The following FKBP5 variants were observed in gnomAD, a reference collection of about 807,000 sequenced individuals.
FKBP5 encodes the protein FKBP prolyl isomerase 5.
In FKBP5, 23 loss-of-function variants were observed where a neutral mutation model predicts 50.5. The ratio of observed to expected loss-of-function variants is 0.46; its 90% CI spans 0.33 to 0.65. FKBP5 has a LOEUF of 0.65. Ranked by LOEUF, FKBP5 falls within the 30% of genes least tolerant of loss-of-function variation. FKBP5 has a pLI of 0.02. For synonymous variants in FKBP5, 176 were observed against 190.6 expected (o/e 0.92, Z 0.63); for missense variants, 411 against 553.1 (o/e 0.74, Z 2.58).
intron 2 of FKBP5, among the ~76,000 whole-genome samples, chr6:35,714,977 G>A (rs1015308546): frequency 3.3e-5 from 5 of 151,316 alleles, no homozygotes; most frequent in Non-Finnish European, 7.4e-5. Context: ...GCACGATGTC[G>A]GCTCACTGCA....
chr6:35,726,703 GTTA>G (rs1561912143), intron 1 of FKBP5, among the ~76,000 whole-genome samples: 1 of 152,118 alleles, frequency 6.6e-6, no homozygotes, highest in East Asian at 1.9e-4. Flanking sequence ...GCTGGCTTGG[GTTA>G]TTATTTAACC....
chr6:35,726,928 A>G (rs1435458262), intron 1 of FKBP5, among the ~76,000 whole-genome samples: 1 of 152,228 alleles, frequency 6.6e-6, no homozygotes, highest in Admixed American at 6.5e-5. Context: ...GGTTAGAAGA[A>G]CAGGATTAGT....
At chr6:35,583,591 G>A (rs527802162) in intron 8 of FKBP5, 3 of 976,960 alleles carry the variant, frequency 3.1e-6, no homozygotes, top group African/African-American at 1.7e-5. Context: ...GCCCCCCAGG[G>A]AACACCTGGC....
At chr6:35,636,991 A>T in intron 3 of FKBP5, 23 bp downstream of exon 3, 6 of 1,572,156 alleles carry the variant, frequency 3.8e-6, no homozygotes, top group Non-Finnish European at 5.1e-6. Flanking sequence ...AGTAAAACAC[A>T]ACTCAAAAAA....
intron 1 of FKBP5, among the ~76,000 whole-genome samples, chr6:35,676,472 G>A (rs1765524584): frequency 6.6e-6 from 1 of 152,210 alleles, no homozygotes; most frequent in Non-Finnish European, 1.5e-5. Flanking sequence ...GAATGGTTAA[G>A]TAATTTTAAC....
intron 8 of FKBP5, 137 bp downstream of exon 8, chr6:35,586,897 A>G: frequency 6.6e-7 from 1 of 1,511,908 alleles, no homozygotes; most frequent in South Asian, 1.3e-5. Flanking sequence ...CATATTGAAA[A>G]TGACAGATTT....
chr6:35,583,865 C>T (rs1762520144), intron 8 of FKBP5: 1 of 985,232 alleles, frequency 1.0e-6, no homozygotes, highest in Non-Finnish European at 1.2e-6. Flanking sequence ...TTCTAAATCA[C>T]ATTACTGGTA....
chr6:35,612,998 A>C (rs1388004285), intron 5 of FKBP5, among the ~76,000 whole-genome samples: 2 of 152,274 alleles, frequency 1.3e-5, no homozygotes, highest in Non-Finnish European at 2.9e-5. Context: ...GTCTAAAGTC[A>C]TAAAAGTATC....
intron 5 of FKBP5, among the ~76,000 whole-genome samples, 175 bp downstream of exon 5, chr6:35,618,921 C>T (rs1763739279): frequency 6.6e-6 from 1 of 152,138 alleles, no homozygotes; most frequent in Non-Finnish European, 1.5e-5. Context: ...GTCTCAAACT[C>T]CTGAGCTCAG....
chr6:35,652,262 T>C (rs1204285083), intron 1 of FKBP5, among the ~76,000 whole-genome samples: 1 of 151,798 alleles, frequency 6.6e-6, no homozygotes, highest in Non-Finnish European at 1.5e-5. Flanking sequence ...CATGTGTGTT[T>C]GAGCAATATG....
chr6:35,714,556 C>T (rs1251670504), intron 2 of FKBP5, among the ~76,000 whole-genome samples: 3 of 148,084 alleles, frequency 2.0e-5, no homozygotes, highest in Non-Finnish European at 4.5e-5. Flanking sequence ...GTGGCTCACG[C>T]CTGTAATCAC....
chr6:35,588,026 A>T (rs1196058841), intron 7 of FKBP5, among the ~76,000 whole-genome samples: 11 of 149,698 alleles, frequency 7.3e-5, no homozygotes, highest in African/African-American at 2.0e-4. Flanking sequence ...TATTATTATT[A>T]TTATTATTTT....
chr6:35,709,877 T>A (rs199985565), intron 2 of FKBP5, among the ~76,000 whole-genome samples: 2 of 149,096 alleles, frequency 1.3e-5, no homozygotes. Flanking sequence ...TGCTTTTAGG[T>A]AAAAAAAAAA....
intron 8 of FKBP5, chr6:35,583,229 C>T: frequency 1.0e-6 from 1 of 985,390 alleles, no homozygotes; most frequent in Non-Finnish European, 1.2e-6. Flanking sequence ...TTCATCCTCT[C>T]TCCTCCTCCC....
At chr6:35,665,454 A>AT (rs546052107) in intron 1 of FKBP5, among the ~76,000 whole-genome samples, 225 of 150,722 alleles carry the variant, frequency 1.5e-3, no homozygotes, top group African/African-American at 4.9e-3. Flanking sequence ...CACCCAGCTA[A>AT]TTTTTTTTGT....
At chr6:35,696,144 CAAA>C (rs60390656) in intron 2 of FKBP5, among the ~76,000 whole-genome samples, 21 of 64,470 alleles carry the variant, frequency 3.3e-4, no homozygotes, top group African/African-American at 4.0e-4. Context: ...GACTCTGTCT[CAAA>C]AAAAAAAAAA....
At chr6:35,702,741 C>T (rs916676836) in intron 2 of FKBP5, among the ~76,000 whole-genome samples, 11 of 151,934 alleles carry the variant, frequency 7.2e-5, no homozygotes, top group Non-Finnish European at 1.0e-4. Flanking sequence ...CATGAGCCAC[C>T]GCGCCCAGCC....
intron 1 of FKBP5, among the ~76,000 whole-genome samples, chr6:35,670,087 G>C (rs547074632): frequency 4.6e-5 from 7 of 152,030 alleles, no homozygotes; most frequent in Admixed American, 2.0e-4. Context: ...TCAATGAATA[G>C]GTTAATATAA....
intron 5 of FKBP5, among the ~76,000 whole-genome samples, chr6:35,598,746 G>A (rs1424081511): frequency 6.6e-6 from 1 of 151,906 alleles, no homozygotes; most frequent in East Asian, 2.0e-4. Context: ...CGAGGCGGGT[G>A]GATCACCTGA....
Sources: gnomAD v4.1 joint callset for allele counts (sites outside exome capture counted in the v4.1 genomes callset) on GRCh38, gnomAD v4.1.1 for gene constraint, MANE v1.5 for transcripts, NCBI Gene and HGNC (gene_info 2026-07-23, HGNC 2026-07-21) for gene names.